Variants in EIF2D observed in about 807,000 individuals in gnomAD.
EIF2D encodes eukaryotic translation initiation factor 2D.
In EIF2D, 56 loss-of-function variants were observed where a neutral mutation model predicts 77.4. The ratio of observed to expected loss-of-function variants is 0.72; its 90% confidence interval spans 0.58 to 0.90. EIF2D has a LOEUF of 0.90. EIF2D is among the 40% of genes least tolerant of loss of function. The probability of loss-of-function intolerance (pLI) is 0.00; values close to 1 mark genes in which losing one functional copy is unlikely to be tolerated. For synonymous variants in EIF2D, 230 were observed against 271.0 expected, an observed-to-expected ratio of 0.85 and a Z score of 1.49; for missense variants, 574 against 706.5, an observed-to-expected ratio of 0.81 and a Z score of 2.13.
chr1:206,587,072 G>T, downstream of EIF2D: 2 of 1,479,684 alleles, frequency 1.4e-6, no homozygotes, highest in South Asian at 1.2e-5. Flanking sequence ...GACATCTCTG[G>T]CAGGTGCATT....
At chr1:206,572,380 A>C (rs993951338) in intron 5 of EIF2D, among the ~76,000 whole-genome samples, 18 of 152,184 alleles carry the variant, frequency 1.2e-4, no homozygotes, top group Admixed American at 3.3e-4. Flanking sequence ...TGTGGATATC[A>C]GAAAAACCTC....
intron 6 of EIF2D, 64 bp downstream of exon 6, chr1:206,602,887 G>A (rs898956838): frequency 1.2e-5 from 19 of 1,581,388 alleles, no homozygotes; most frequent in Non-Finnish European, 1.5e-5. Context: ...GCAGTGGAGT[G>A]GAGTTCGTCA....
intron 12 of EIF2D, among the ~76,000 whole-genome samples, chr1:206,596,057 G>A (rs573705916): frequency 6.6e-6 from 1 of 152,266 alleles, no homozygotes; most frequent in African/African-American, 2.4e-5. Context: ...CTAAAATGCG[G>A]CCAAGGTAGA....
rs782620699 is a variant in EIF2D at position 206,595,734 on chromosome 1, C to A, written c.1493G>T (p.Arg498Ile). Reference sequence around the variant, plus strand: ...TAAAATTACCTTTTTATTAGACGCTCTTTGTGCTAGGGTGATGTCAATTGG... The same window carrying A: ...TAAAATTACCTTTTTATTAGACGCTATTTGTGCTAGGGTGATGTCAATTGG... ...ICPIDITLAQRASNKKVTVVR... is the reference protein window; with the variant it reads ...ICPIDITLAQIASNKKVTVVR... Residue 498 changes from arginine (R) to isoleucine (I), a missense_variant, in exon 13 of 15, where the codon AGA becomes ATA. Coordinates refer to ENST00000271764, the MANE Select transcript of EIF2D (RefSeq NM_006893.3). 6.2e-7 allele frequency: 1 copy of A among 1,613,532 alleles called. No individual in the cohort carries two copies. The highest frequency in any genetic ancestry group is 1.1e-5 in the South Asian group (1 of 91,052).
intron 2 of EIF2D, 183 bp downstream of exon 2, chr1:206,611,000 CT>C: frequency 1.8e-6 from 1 of 546,408 alleles, no homozygotes; most frequent in Non-Finnish European, 3.2e-6. Context: ...AAGAGAAAAC[CT>C]TTTGCATCCT....
intron 2 of EIF2D, chr1:206,585,500 G>C (rs1572375550): frequency 2.2e-6 from 1 of 459,032 alleles, no homozygotes; most frequent in Non-Finnish European, 4.0e-6. Context: ...AGCACATTAG[G>C]GCCTGTGTGT....
At position 206,592,399 on chromosome 1, in the gene EIF2D, C is replaced by T. The variant is rs1553409097; in HGVS notation, c.1685-554G>A. On this transcript the variant is annotated intron_variant, in intron 14 of 14. Coordinates refer to ENST00000271764, the MANE Select transcript of EIF2D (RefSeq NM_006893.3). This position sits in a 1 kb window ranked among gnomAD's most constrained non-coding sequence, Gnocchi z 4.7. Reference sequence around the variant, plus strand: ...GCAATGTTTAAAATGCTAATTTAGGCTCAGGCCTCCCAGGACCCCTGGGCT... The same window carrying T: ...GCAATGTTTAAAATGCTAATTTAGGTTCAGGCCTCCCAGGACCCCTGGGCT... 6.6e-6 allele frequency among the ~76,000 whole-genome samples: 1 copy of T among 152,228 alleles called. No homozygotes were observed. Among genetic ancestry groups the T allele is most frequent in the African/African-American group, 2.4e-5 (1 of 41,452 alleles).
intron 2 of EIF2D, among the ~76,000 whole-genome samples, chr1:206,581,961 C>A (rs1553406439): frequency 6.6e-6 from 1 of 152,144 alleles, no homozygotes; most frequent in African/African-American, 2.4e-5. Context: ...ACCCAGACAC[C>A]CACAGGACAG....
intron 2 of EIF2D, among the ~76,000 whole-genome samples, chr1:206,582,159 C>G (rs1331249873): frequency 1.3e-5 from 2 of 152,140 alleles, no homozygotes; most frequent in African/African-American, 4.8e-5. Context: ...AGGTGGGTAA[C>G]AGTGAACTTG....
chr1:206,593,738 G>T lies in EIF2D; in HGVS notation c.1565C>A (p.Ala522Asp). ...AYGLDPYSVA[A>D]ILQQRCQAST... ...AGCCTGGCATCGCTGCTGAAGGATG[G>T]CAGCCACTGAGTATGGGTCCAGACC... The change falls in exon 14 of 15, where the codon GCC (alanine) becomes GAC (aspartate). Residue 522 changes from alanine (A) to aspartate (D), a missense_variant. Coordinates refer to ENST00000271764, the MANE Select transcript of EIF2D (RefSeq NM_006893.3). The T allele has an allele frequency of 1.2e-6, 2 of 1,613,496 alleles. No individual in the cohort carries two copies. Among genetic ancestry groups the T allele is most frequent in the Non-Finnish European group, 1.7e-6 (2 of 1,179,846 alleles).
At chr1:206,594,352 A>T (rs1287378066) in intron 13 of EIF2D, 1 of 152,256 alleles carries the variant, frequency 6.6e-6, no homozygotes, top group East Asian at 1.9e-4. Flanking sequence ...TCAACAATCT[A>T]GTCAGCAACA....
At chr1:206,609,623 G>A (rs1670373188) in intron 2 of EIF2D, among the ~76,000 whole-genome samples, 164 bp from the exon 3 acceptor site, 1 of 152,176 alleles carries the variant, frequency 6.6e-6, no homozygotes, top group African/African-American at 2.4e-5. Flanking sequence ...TTTCATTTTT[G>A]AGGAAGGAAA....
intron 7 of EIF2D, 102 bp downstream of exon 7, chr1:206,602,234 T>TC: frequency 1.2e-6 from 1 of 818,886 alleles, no homozygotes; most frequent in Non-Finnish European, 2.1e-6. Context: ...CCACAGCATG[T>TC]CCCTCAACCA....
At chr1:206,601,657 G>A (rs1199150114) in intron 7 of EIF2D, 12 of 152,170 alleles carry the variant, frequency 7.9e-5, no homozygotes, top group Admixed American at 4.6e-4. Context: ...TTTACTGAAT[G>A]CTTATTATGG....
At chr1:206,606,624 T>G (rs1357119615) in intron 4 of EIF2D, among the ~76,000 whole-genome samples, 2 of 152,326 alleles carry the variant, frequency 1.3e-5, no homozygotes, top group African/African-American at 4.8e-5. Flanking sequence ...AACAGAAGTT[T>G]CTAGGTGCTT....
intron 5 of EIF2D, among the ~76,000 whole-genome samples, chr1:206,604,207 C>T (rs1333319702): frequency 6.6e-6 from 1 of 152,090 alleles, no homozygotes; most frequent in East Asian, 1.9e-4. Flanking sequence ...CTTTGGGAGG[C>T]CTAGATGGGC....
At chr1:206,598,648 TAAATATGTAC>T (rs1350900052) in intron 11 of EIF2D, among the ~76,000 whole-genome samples, 1 of 151,744 alleles carries the variant, frequency 6.6e-6, no homozygotes, top group Admixed American at 6.6e-5. Context: ...ATGCACCCCA[TAAATATGTAC>T]AAATATCTAT....
chr1:206,570,925 T>A (rs148397057), downstream of EIF2D, among the ~76,000 whole-genome samples: 7 of 152,290 alleles, frequency 4.6e-5, no homozygotes, highest in African/African-American at 1.7e-4. Context: ...TTTGAGTCCT[T>A]GCTCTCACAT....
chr1:206,587,151 A>G, downstream of EIF2D: 1 of 732,788 alleles, frequency 1.4e-6, no homozygotes. Context: ...ACGAGGGTTC[A>G]GCTGTGCCCG....
Sources: allele counts gnomAD v4.1 joint callset (sites outside exome capture counted in the v4.1 genomes callset), GRCh38; gene constraint gnomAD v4.1.1; non-coding constraint Gnocchi (gnomAD v3.1); transcripts MANE v1.5; gene names NCBI Gene and HGNC (gene_info 2026-07-23, HGNC 2026-07-21).